Variants in PTS observed in about 807,000 individuals in gnomAD.
PTS encodes the protein 6-pyruvoyltetrahydropterin synthase.
In PTS, 23 loss-of-function variants were observed where a neutral mutation model predicts 20.6. The ratio of observed to expected loss-of-function variants is 1.12; its 90% CI spans 0.80 to 1.58. The LOEUF (loss-of-function observed/expected upper bound fraction) is 1.58. PTS is among the 40% of genes most tolerant of loss of function. PTS has a pLI of 0.00. For missense variants in PTS, 186 were observed against 182.4 expected, an observed-to-expected ratio of 1.02 and a Z score of -0.11; for synonymous variants, 65 against 62.5, an observed-to-expected ratio of 1.04 and a Z score of -0.19.
chr11:112,231,036 A>T (rs2904867), intron 4 of PTS, among the ~76,000 whole-genome samples: 144,824 of 147,160 alleles, frequency 0.98, 71,244 homozygotes, highest in Middle Eastern at 1. Flanking sequence ...TTTTTTTTTT[A>T]AATAGGCACA....
chr11:112,230,935 G>C (rs1271749272), intron 4 of PTS, among the ~76,000 whole-genome samples: 1 of 151,560 alleles, frequency 6.6e-6, no homozygotes, highest in Non-Finnish European at 1.5e-5. Flanking sequence ...TGTATTCCTT[G>C]TTGGAATATC....
Position 112,226,610 on chromosome 11 carries a change from A to G in PTS, c.83+84A>G, listed in dbSNP as rs12291869. On this transcript the variant is annotated intron_variant, in intron 1 of 5. Coordinates refer to ENST00000280362, the MANE Select transcript of PTS (RefSeq NM_000317.3). ...CGGGGCGGGGCCGGCGGGCGTGCTG[A>G]CGTCGGGCCCGGGAGGGGCGCGGGG... 9 of 1,273,764 alleles carry G rather than the reference A, an allele frequency of 7.1e-6. No individual in the cohort carries two copies. In the South Asian group the frequency reaches 1.2e-4, roughly 17 times the overall value. 78.9% of individuals were successfully genotyped at this position (1,273,764 alleles called of 1,614,324 possible).
At chr11:112,232,142 A>G (rs1268292514) in intron 4 of PTS, among the ~76,000 whole-genome samples, 1 of 152,106 alleles carries the variant, frequency 6.6e-6, no homozygotes, top group African/African-American at 2.4e-5. Flanking sequence ...TTAGAGCTCT[A>G]CCGTGGGGGG....
Position 112,230,721 on chromosome 11 carries a change from A to T in PTS, c.243+39A>T, listed in dbSNP as rs200020862. On this transcript the variant is annotated intron_variant, in intron 4 of 5. Transcript: ENST00000280362. ...GGGTGCTTATTATGTGCTATTCCCT[A>T]ACTGTAATATTTGGTGGCCCCCTAT... 293 of 1,548,192 alleles carry T rather than the reference A, an allele frequency of 1.9e-4. No individual in the cohort carries two copies. In the African/African-American group the frequency reaches 3.6e-3, roughly 19 times the overall value.
rs1859867799 is a variant in PTS, at chr11:112,226,583, A to T, written c.83+57A>T. On this transcript the variant is annotated intron_variant, in intron 1 of 5. Transcript: ENST00000280362. ...GGTGGGCGCCGGGCCCCGGAACGTC[A>T]CCGGGGCGGGGCCGGCGGGCGTGCT... The T allele has an allele frequency of 4.9e-6, 7 of 1,431,836 alleles. No homozygotes were observed. The South Asian group carries it at 9.5e-5, about 19-fold the overall frequency. The allele number at this position is 1,431,836 out of a possible 1,614,324, so 88.7% of individuals were successfully genotyped here.
intron 3 of PTS, 100 bp from the exon 4 acceptor site, chr11:112,230,526 G>A (rs957899366): frequency 9.2e-7 from 1 of 1,090,578 alleles, no homozygotes; most frequent in South Asian, 1.3e-5. Flanking sequence ...ATGTGCAAAT[G>A]TGGGCACAGT....
Position 112,230,243 on chromosome 11 carries a change from A to G in PTS, c.186+13A>G, listed in dbSNP as rs1369339351. 8 of 1,612,768 alleles carry G rather than the reference A, an allele frequency of 5.0e-6. No individual in the cohort carries two copies. In the East Asian group the frequency reaches 1.6e-4, roughly 31 times the overall value. ...AGTACATGGAGAGGTATGTGCAGAA[A>G]ATATTTGTGTGGTTTTTGCAGATTG... is the stretch of plus-strand genomic sequence containing the variant. On this transcript the variant is annotated intron_variant, in intron 3 of 5. Coordinates refer to ENST00000280362, the MANE Select transcript of PTS (RefSeq NM_000317.3).
chr11:112,226,667 G>A (rs930870904), intron 1 of PTS, 141 bp downstream of exon 1: 2 of 534,380 alleles, frequency 3.7e-6, no homozygotes, highest in African/African-American at 4.1e-5. Flanking sequence ...GGTCGGCTTC[G>A]TGGGGCTTCG....
chr11:112,227,937 CAT>C, intron 1 of PTS, among the ~76,000 whole-genome samples: 1 of 152,176 alleles, frequency 6.6e-6, no homozygotes, highest in Non-Finnish European at 1.5e-5. Context: ...GGTAAGGTCT[CAT>C]AGACGATGCG....
intron 2 of PTS, 38 bp from the exon 3 acceptor site, chr11:112,230,170 T>C (rs765180507): frequency 6.3e-7 from 1 of 1,597,260 alleles, no homozygotes; most frequent in Admixed American, 1.7e-5. Context: ...CTGTTGAAAG[T>C]CATGCTGTTT....
chr11:112,226,710 T>C (rs1859870537), intron 1 of PTS, among the ~76,000 whole-genome samples, 184 bp downstream of exon 1: 1 of 151,280 alleles, frequency 6.6e-6, no homozygotes, highest in Non-Finnish European at 1.5e-5. Flanking sequence ...GGGGCTGGAG[T>C]GTCCCCAGCC....
chr11:112,227,642 G>A (rs550282520), intron 1 of PTS, among the ~76,000 whole-genome samples: 1 of 152,046 alleles, frequency 6.6e-6, no homozygotes, highest in Non-Finnish European at 1.5e-5. Context: ...GGCAAGTGAG[G>A]GAGCAAGAGA....
At chr11:112,228,234 C>T (rs1859890030) in intron 1 of PTS, 1 of 228,158 alleles carries the variant, frequency 4.4e-6, no homozygotes. Flanking sequence ...CTATGTTTAT[C>T]ATTATATGCT....
chr11:112,227,473 A>G (rs574498653), intron 1 of PTS, among the ~76,000 whole-genome samples: 2 of 152,284 alleles, frequency 1.3e-5, no homozygotes, highest in East Asian at 3.9e-4. Context: ...TTGCATTGCC[A>G]CAAAGGAATA....
In PTS at chr11:112,230,622, T is replaced by G. The variant is rs756387193; in HGVS notation, c.187-4T>G. On this transcript the variant is annotated splice_polypyrimidine_tract_variant and splice_region_variant and intron_variant, in intron 3 of 5. Coordinates refer to ENST00000280362, the MANE Select transcript of PTS (RefSeq NM_000317.3). ...AGTAATATTCACCTTTGTTTATTCTTTAGATTGACCCTGCTACGGGAATGG... is the reference window on the plus strand; with the variant it reads ...AGTAATATTCACCTTTGTTTATTCTGTAGATTGACCCTGCTACGGGAATGG... 1.9e-6 allele frequency: 3 copies of G among 1,606,300 alleles called. No homozygotes were observed. In the South Asian group the frequency reaches 3.3e-5, roughly 18 times the overall value.
intron 2 of PTS, among the ~76,000 whole-genome samples, chr11:112,229,886 C>G (rs548502778): frequency 6.6e-6 from 1 of 152,312 alleles, no homozygotes; most frequent in Admixed American, 6.5e-5. Context: ...CTTCTACAGG[C>G]AGAGACTGAG....
At chr11:112,231,932 G>C (rs549082871) in intron 4 of PTS, among the ~76,000 whole-genome samples, 78 of 144,934 alleles carry the variant, frequency 5.4e-4, no homozygotes, top group Non-Finnish European at 1.0e-3. Context: ...GGGGAGGAGA[G>C]GGGAGGGGAA....
rs1859909482 is a variant in PTS at position 112,229,996 on chromosome 11, C to T, written c.164-212C>T. The T allele has an allele frequency of 1.8e-5, 11 of 606,728 alleles. No individual in the cohort carries two copies. The Admixed American group carries it at 3.1e-4, about 17-fold the overall frequency. 37.6% of individuals were successfully genotyped at this position (606,728 alleles called of 1,614,324 possible). A position where few individuals can be genotyped will look rare whatever the true frequency, so the allele number is the denominator to read the frequency against. ...GCTTAGCCAACATTCCTACTAAGCT[C>T]CTTTGTCTCGATTGTGTCTTGCTTT... On this transcript the variant is annotated intron_variant, in intron 2 of 5. Transcript: ENST00000280362.
Position 112,233,697 on chromosome 11 carries a change from G to C in PTS, c.*142G>C, listed in dbSNP as rs1287831790. ...GGAGTGCCTATTTATTGAAATCATT[G>C]TAAGACCTGTTATAAATTTAAGTCT... On this transcript the variant is annotated 3_prime_UTR_variant, in exon 6 of 6. Transcript: ENST00000280362. 11 of 1,224,872 alleles carry C rather than the reference G, an allele frequency of 9.0e-6. No individual in the cohort carries two copies. In the East Asian group the frequency reaches 2.7e-4, roughly 30 times the overall value. The allele number at this position is 1,224,872 out of a possible 1,614,324, so 75.9% of individuals were successfully genotyped here.
Sources: allele counts gnomAD v4.1 joint callset (sites outside exome capture counted in the v4.1 genomes callset), GRCh38; gene constraint gnomAD v4.1.1; transcripts MANE v1.5; gene names NCBI Gene and HGNC (gene_info 2026-07-23, HGNC 2026-07-21).